The following AKAP6 variants were observed in gnomAD, a reference collection of about 807,000 sequenced individuals.
AKAP6 encodes A-kinase anchor protein 6.
Under a neutral mutation model 188.5 loss-of-function variants are expected in AKAP6, and 58 were observed. The ratio of observed to expected loss-of-function variants is 0.31; its 90% confidence interval spans 0.25 to 0.38. The LOEUF is 0.38. Among genes scored for constraint, AKAP6 ranks in the 10% least tolerant of loss-of-function variants. The probability of loss-of-function intolerance (pLI) is 1.00; values close to 1 mark genes in which losing one functional copy is unlikely to be tolerated. For missense variants in AKAP6, 2,710 were observed against 2,740.0 expected (o/e 0.99, Z 0.24); for synonymous variants, 989 against 998.6 (o/e 0.99, Z 0.18).
In AKAP6 at chr14:32,837,553, C is replaced by G. The variant is rs910717915; in HGVS notation, c.*7748C>G. The G allele has an allele frequency of 6.6e-6, 1 of 152,186 alleles. No individual in the cohort carries two copies. The highest frequency in any genetic ancestry group is 1.5e-5 in the Non-Finnish European group (1 of 68,036). 9.4% of individuals were successfully genotyped at this position (152,186 alleles called of 1,614,324 possible). ...GATCAAGTTACTTACACTAAGTCAG[C>G]AATTCAAAACAAATAATTCCCTCTG... On this transcript the variant is annotated 3_prime_UTR_variant, in exon 14 of 14. Coordinates refer to ENST00000280979, the MANE Select transcript of AKAP6 (RefSeq NM_004274.5).
chr14:32,546,739 G>T lies in AKAP6; in HGVS notation c.2086G>T (p.Val696Leu), dbSNP rs376466689. 3.7e-6 allele frequency: 6 copies of T among 1,614,018 alleles called. No individual in the cohort carries two copies. The African/African-American group carries it at 6.7e-5, about 18-fold the overall frequency. ...AAAGAAGCATACAAGGCTAGGCAGG[G>T]TGTCTCCAAGCTCATCTAGTGACAT... ...VKKKHTRLGR[V>L]SPSSSSDIAS... Residue 696 changes from valine to leucine, a missense_variant, in exon 4 of 14, where the codon GTG (valine) becomes TTG (leucine). Val to Leu is a conservative substitution (Grantham distance 32, BLOSUM62 1). Transcript: ENST00000280979.
At chr14:32,715,625 G>GA (rs919706728) in intron 9 of AKAP6, among the ~76,000 whole-genome samples, 12 of 151,712 alleles carry the variant, frequency 7.9e-5, no homozygotes, top group Admixed American at 6.6e-4. Flanking sequence ...ATTTTAGGGG[G>GA]AAAAAAACCT....
intron 1 of AKAP6, among the ~76,000 whole-genome samples, chr14:32,353,539 G>A (rs1887366196): frequency 6.6e-6 from 1 of 152,122 alleles, no homozygotes; most frequent in African/African-American, 2.4e-5. Context: ...CTAGCCTGGT[G>A]GACAGAGCAA....
chr14:32,387,357 C>T (rs1888566116), intron 1 of AKAP6, among the ~76,000 whole-genome samples: 1 of 151,914 alleles, frequency 6.6e-6, no homozygotes, highest in African/African-American at 2.4e-5. Flanking sequence ...AGTAGGCATT[C>T]TTGTCTTGTT....
intron 2 of AKAP6, among the ~76,000 whole-genome samples, chr14:32,488,921 T>C (rs980670655): frequency 2.0e-5 from 3 of 152,208 alleles, no homozygotes; most frequent in Non-Finnish European, 4.4e-5. Flanking sequence ...TGCGTTGGTC[T>C]TGCTGGGCAC....
At chr14:32,729,007 A>T (rs1017176163) in intron 9 of AKAP6, among the ~76,000 whole-genome samples, 1 of 152,160 alleles carries the variant, frequency 6.6e-6, no homozygotes, top group Non-Finnish European at 1.5e-5. Context: ...CATTAGCTGT[A>T]TATAGTTTAT....
chr14:32,483,108 C>G (rs1458804669), intron 2 of AKAP6, among the ~76,000 whole-genome samples: 2 of 151,888 alleles, frequency 1.3e-5, no homozygotes, highest in East Asian at 1.9e-4. Flanking sequence ...CAGCATGTGT[C>G]TTTCAGCACA....
intron 1 of AKAP6, among the ~76,000 whole-genome samples, chr14:32,383,729 G>GT (rs1342176705): frequency 1.3e-5 from 2 of 152,144 alleles, no homozygotes; most frequent in East Asian, 3.9e-4. Flanking sequence ...GCCTCTCCTT[G>GT]TGGGAGCATC....
At chr14:32,514,888 C>A (rs1265995055) in intron 2 of AKAP6, among the ~76,000 whole-genome samples, 1 of 152,138 alleles carries the variant, frequency 6.6e-6, no homozygotes, top group Non-Finnish European at 1.5e-5. Flanking sequence ...GGACATTAAT[C>A]CTGGAGTGAA....
At chr14:32,716,295 T>G (rs188652520) in intron 9 of AKAP6, among the ~76,000 whole-genome samples, 1 of 151,932 alleles carries the variant, frequency 6.6e-6, no homozygotes, top group Non-Finnish European at 1.5e-5. Flanking sequence ...ATAGGTAATA[T>G]CAACAAGCTC....
intron 1 of AKAP6, among the ~76,000 whole-genome samples, chr14:32,425,707 T>C (rs1168270800): frequency 6.6e-6 from 1 of 152,196 alleles, no homozygotes. Context: ...TGTTTTTCTC[T>C]TGTAAGTTTG....
At chr14:32,463,273 C>T (rs1475339169) in intron 2 of AKAP6, among the ~76,000 whole-genome samples, 5 of 152,156 alleles carry the variant, frequency 3.3e-5, no homozygotes, top group African/African-American at 1.2e-4. Context: ...ACAGAACTCT[C>T]CACCCCAAAT....
At chr14:32,675,148 C>T (rs75375839) in intron 7 of AKAP6, among the ~76,000 whole-genome samples, 4,505 of 152,216 alleles carry the variant, frequency 0.03, 225 homozygotes, top group African/African-American at 0.1. Context: ...GAGCATCCCA[C>T]CAGTACCTTA....
intron 1 of AKAP6, among the ~76,000 whole-genome samples, chr14:32,429,471 T>C (rs1218740336): frequency 1.3e-5 from 2 of 152,230 alleles, no homozygotes; most frequent in Non-Finnish European, 2.9e-5. Flanking sequence ...AAATCAGATG[T>C]GATTTTGTTA....
chr14:32,401,819 A>G (rs1041272599), intron 1 of AKAP6, among the ~76,000 whole-genome samples: 1 of 152,194 alleles, frequency 6.6e-6, no homozygotes, highest in African/African-American at 2.4e-5. Context: ...TTTTTGGTGG[A>G]AAGAATTGTA....
intron 8 of AKAP6, among the ~76,000 whole-genome samples, chr14:32,694,721 T>TC (rs1479615640): frequency 4.2e-5 from 6 of 144,206 alleles, no homozygotes; most frequent in Non-Finnish European, 7.8e-5. Flanking sequence ...CTAGATCTAT[T>TC]CCCCCCCACC....
chr14:32,769,682 G>C (rs1373386534), intron 11 of AKAP6, among the ~76,000 whole-genome samples: 1 of 151,806 alleles, frequency 6.6e-6, no homozygotes, highest in Admixed American at 6.6e-5. Flanking sequence ...AATTGCTTTG[G>C]AGTTTCTCAG....
intron 12 of AKAP6, among the ~76,000 whole-genome samples, chr14:32,816,183 C>T (rs939147280): frequency 1.3e-5 from 2 of 151,938 alleles, no homozygotes; most frequent in African/African-American, 2.4e-5. Context: ...TGTCATTGCT[C>T]TTATATGGTT....
At chr14:32,413,175 A>AT (rs10577801) in intron 1 of AKAP6, among the ~76,000 whole-genome samples, 2,692 of 60,418 alleles carry the variant, frequency 0.045, 114 homozygotes, top group African/African-American at 0.1. Context: ...ATTTATTGAA[A>AT]TTTTTTTTTT....
Sources: gnomAD v4.1 joint callset for allele counts (sites outside exome capture counted in the v4.1 genomes callset) on GRCh38, gnomAD v4.1.1 for gene constraint, MANE v1.5 for transcripts, NCBI Gene and HGNC (gene_info 2026-07-23, HGNC 2026-07-21) for gene names.